MOSMO: variants seen among roughly 807,000 people sequenced by gnomAD.
MOSMO encodes modulator of smoothened protein.
A neutral mutation model predicts 18.4 loss-of-function variants in MOSMO; 5 were observed. That is an observed-to-expected ratio of 0.27 (90% CI 0.14 to 0.57). The LOEUF (loss-of-function observed/expected upper bound fraction) is 0.57. Ranked by LOEUF, MOSMO falls within the 20% of genes least tolerant of loss-of-function variation. MOSMO has a pLI of 0.92. For synonymous variants in MOSMO, 82 were observed against 82.3 expected, an observed-to-expected ratio of 1.00 and a Z score of 0.02; for missense variants, 138 against 211.8, an observed-to-expected ratio of 0.65 and a Z score of 2.16.
chr16:22,036,002 ATTAG>A (rs982016805), intron 1 of MOSMO, among the ~76,000 whole-genome samples: 5 of 152,186 alleles, frequency 3.3e-5, no homozygotes, highest in African/African-American at 4.8e-5. Context: ...TTCTAAGCTT[ATTAG>A]TTCTAATAAT....
intron 1 of MOSMO, among the ~76,000 whole-genome samples, chr16:22,053,043 T>C (rs1408577058): frequency 9.5e-5 from 14 of 147,198 alleles, no homozygotes; most frequent in Non-Finnish European, 3.0e-5. Flanking sequence ...TAACCTCCAC[T>C]TCCCAGGTTC....
Position 22,081,900 on chromosome 16 carries a change from A to G in MOSMO, c.*1020A>G, listed in dbSNP as rs1901091284. ...GCGATTTTAAGTTAAGCTAAAAATT[A>G]TTTGTAGGGTTAATTTATTTGTATA... On this transcript the variant is annotated 3_prime_UTR_variant, in exon 3 of 3. Transcript: ENST00000542527. 2.0e-5 allele frequency: 3 copies of G among 152,096 alleles called. No individual in the cohort carries two copies. Among genetic ancestry groups the G allele is most frequent in the Admixed American group, 6.6e-5 (1 of 15,260 alleles). 9.4% of individuals were successfully genotyped at this position (152,096 alleles called of 1,614,324 possible). A position where few individuals can be genotyped will look rare whatever the true frequency, so the allele number is the denominator to read the frequency against.
At chr16:22,087,816 G>T (rs868757455), downstream of MOSMO, among the ~76,000 whole-genome samples, 1 of 152,214 alleles carries the variant, frequency 6.6e-6, no homozygotes, top group Middle Eastern at 3.4e-3. Context: ...TGTGGAGAAA[G>T]AAATTATGAC....
At chr16:22,070,361 A>G (rs1317464730) in intron 1 of MOSMO, among the ~76,000 whole-genome samples, 5 of 152,214 alleles carry the variant, frequency 3.3e-5, no homozygotes, top group South Asian at 4.1e-4. Flanking sequence ...AGAAATTTCT[A>G]TTGAGTCAGG....
intron 1 of MOSMO, among the ~76,000 whole-genome samples, chr16:22,009,078 G>T (rs536030224): frequency 1.3e-5 from 2 of 152,108 alleles, no homozygotes; most frequent in South Asian, 2.1e-4. Flanking sequence ...CGCCGCCCCC[G>T]CCCATCCCCT....
intron 1 of MOSMO, among the ~76,000 whole-genome samples, chr16:22,069,989 CA>C (rs1900817175): frequency 1.3e-5 from 2 of 152,012 alleles, no homozygotes; most frequent in Middle Eastern, 3.4e-3. Context: ...GGATGGGATC[CA>C]AAACACAAGG....
intron 1 of MOSMO, among the ~76,000 whole-genome samples, chr16:22,070,983 G>A (rs1046384440): frequency 2.0e-5 from 3 of 152,104 alleles, no homozygotes; most frequent in African/African-American, 7.2e-5. Flanking sequence ...ATGAAACTCC[G>A]TAATTTCAGT....
chr16:22,051,535 G>C (rs909848775), intron 1 of MOSMO, among the ~76,000 whole-genome samples: 1 of 152,090 alleles, frequency 6.6e-6, no homozygotes, highest in African/African-American at 2.4e-5. Context: ...AAGAGTTCTT[G>C]TACTTCATTA....
chr16:22,009,307 C>T (rs1328282586), intron 1 of MOSMO, among the ~76,000 whole-genome samples: 1 of 152,128 alleles, frequency 6.6e-6, no homozygotes, highest in African/African-American at 2.4e-5. Flanking sequence ...TTGCAGGCAG[C>T]CCGGCAGCGG....
intron 1 of MOSMO, among the ~76,000 whole-genome samples, chr16:22,063,536 T>C (rs982600816): frequency 7.2e-5 from 11 of 152,220 alleles, no homozygotes; most frequent in African/African-American, 2.4e-4. Flanking sequence ...CCAAGTTTCC[T>C]TGGAGATAGG....
At chr16:22,024,099 A>G (rs1336279195) in intron 1 of MOSMO, among the ~76,000 whole-genome samples, 1 of 150,488 alleles carries the variant, frequency 6.6e-6, no homozygotes, top group Non-Finnish European at 1.5e-5. Flanking sequence ...CACATTTTCA[A>G]ATTAGTTGCC....
downstream of MOSMO, among the ~76,000 whole-genome samples, chr16:22,091,802 C>T (rs969338133): frequency 1.8e-4 from 28 of 152,286 alleles, 1 homozygote; most frequent in South Asian, 5.0e-3. Context: ...GATCCTTTAG[C>T]GACTTACAAG....
intron 1 of MOSMO, among the ~76,000 whole-genome samples, chr16:22,049,570 G>A (rs1598012874): frequency 6.6e-6 from 1 of 151,994 alleles, no homozygotes; most frequent in African/African-American, 2.4e-5. Context: ...TGATTTGAAA[G>A]GTATCACATA....
intron 1 of MOSMO, among the ~76,000 whole-genome samples, chr16:22,025,036 C>G (rs754039505): frequency 1.2e-4 from 18 of 151,566 alleles, no homozygotes; most frequent in Non-Finnish European, 2.6e-4. Context: ...GCCTGTAGTC[C>G]TAGCTACTCG....
intron 1 of MOSMO, among the ~76,000 whole-genome samples, chr16:22,071,573 C>G (rs777392161): frequency 6.6e-6 from 1 of 152,168 alleles, no homozygotes; most frequent in South Asian, 2.1e-4. Context: ...TGATGAGCGT[C>G]GAAGCTTCTT....
intron 1 of MOSMO, among the ~76,000 whole-genome samples, chr16:22,022,083 ACATTG>A (rs1175295565): frequency 6.6e-6 from 1 of 152,138 alleles, no homozygotes; most frequent in East Asian, 1.9e-4. Flanking sequence ...TGGAACATAA[ACATTG>A]CAGTTGATTG....
intron 1 of MOSMO, among the ~76,000 whole-genome samples, chr16:22,034,696 T>TTGATGTC (rs1900066999): frequency 6.7e-6 from 1 of 150,246 alleles, no homozygotes; most frequent in Admixed American, 6.6e-5. Context: ...TTTATCTCCC[T>TTGATGTC]TGATGTCTTT....
chr16:22,071,003 A>G (rs1434368186), intron 1 of MOSMO, among the ~76,000 whole-genome samples: 1 of 152,208 alleles, frequency 6.6e-6, no homozygotes, highest in Admixed American at 6.5e-5. Flanking sequence ...TTCAATTGGG[A>G]TACTACCCCT....
At chr16:22,034,628 T>C (rs1454443709) in intron 1 of MOSMO, among the ~76,000 whole-genome samples, 1 of 151,996 alleles carries the variant, frequency 6.6e-6, no homozygotes, top group Non-Finnish European at 1.5e-5. Flanking sequence ...CTTTTTTCAG[T>C]ATTTCCTCTT....
Sources: allele counts gnomAD v4.1 joint callset (sites outside exome capture counted in the v4.1 genomes callset), GRCh38; gene constraint gnomAD v4.1.1; transcripts MANE v1.5; gene names NCBI Gene and HGNC (gene_info 2026-07-23, HGNC 2026-07-21).